The following PARG variants were observed in gnomAD, a reference collection of about 807,000 sequenced individuals.
PARG encodes poly(ADP-ribose) glycohydrolase.
A neutral mutation model predicts 113.0 loss-of-function variants in PARG; 35 were observed. That is an observed-to-expected ratio of 0.31 (90% CI 0.24 to 0.41). PARG has a LOEUF of 0.41. PARG is among the 10% of genes least tolerant of loss of function. PARG has a pLI of 1.00. For synonymous variants in PARG, 330 were observed against 409.9 expected, an observed-to-expected ratio of 0.81 and a Z score of 2.36; for missense variants, 797 against 1,169.4, an observed-to-expected ratio of 0.68 and a Z score of 4.64.
intron 15 of PARG, among the ~76,000 whole-genome samples, chr10:49,836,643 C>T (rs552237560): frequency 1.8e-4 from 28 of 151,918 alleles, no homozygotes; most frequent in Non-Finnish European, 3.1e-4. Flanking sequence ...TGAACATTCT[C>T]GAAAAGTAAA....
At chr10:49,841,660 A>G (rs1000714436) in intron 15 of PARG, among the ~76,000 whole-genome samples, 1 of 152,194 alleles carries the variant, frequency 6.6e-6, no homozygotes, top group South Asian at 2.1e-4. Flanking sequence ...TTGTTTCTAT[A>G]TGGTTTTACA....
chr10:49,932,156 A>G lies in PARG; in HGVS notation c.1399T>C (p.Cys467Arg), dbSNP rs1201745745. The change falls in exon 4 of 18, where the codon TGT (cysteine) becomes CGT (arginine). Residue 467 changes from cysteine to arginine, a missense_variant. By Grantham distance (180) the Cys-to-Arg change is radical (BLOSUM62 -3). Around this residue, in one of 5 missense-constraint regions of PARG, gnomAD observed 252 missense variants for 437.4 expected, o/e 0.58. Transcript: ENST00000616448. ...PIEEMRRMPR[C>R]GIRLPLLRPS... Reference sequence around the variant, plus strand: ...CTCAAGAGAGGCAGCCGGATCCCACACCGAGGCATTCTTCTCATCTCCTCA... The same window carrying G: ...CTCAAGAGAGGCAGCCGGATCCCACGCCGAGGCATTCTTCTCATCTCCTCA... The G allele has an allele frequency of 6.2e-7, 1 of 1,607,304 alleles. No homozygotes were observed. Among genetic ancestry groups the G allele is most frequent in the East Asian group, 2.2e-5 (1 of 44,852 alleles).
At chr10:49,927,484 CAGAG>C (rs1295628522) in intron 4 of PARG, among the ~76,000 whole-genome samples, 2 of 151,194 alleles carry the variant, frequency 1.3e-5, no homozygotes, top group African/African-American at 4.9e-5. Flanking sequence ...TGAGACCAAC[CAGAG>C]AGAGACAGAA....
intron 4 of PARG, among the ~76,000 whole-genome samples, chr10:49,928,749 C>T (rs1336361603): frequency 1.1e-4 from 17 of 152,220 alleles, no homozygotes; most frequent in Non-Finnish European, 2.2e-4. Context: ...AAGTAATCCT[C>T]CTGCCTTGGC....
At chr10:49,874,388 C>T (rs1846845696) in intron 9 of PARG, among the ~76,000 whole-genome samples, 1 of 151,978 alleles carries the variant, frequency 6.6e-6, no homozygotes, top group African/African-American at 2.4e-5. Context: ...AAAAAATGGC[C>T]CAGCCTTGAT....
At chr10:49,918,531 C>T (rs1398650879) in intron 6 of PARG, among the ~76,000 whole-genome samples, 5 of 152,148 alleles carry the variant, frequency 3.3e-5, no homozygotes, top group African/African-American at 4.8e-5. Flanking sequence ...TCACAATAAG[C>T]ACAAAAAATT....
intron 16 of PARG, among the ~76,000 whole-genome samples, chr10:49,825,854 C>G (rs1844329017): frequency 6.6e-6 from 1 of 152,176 alleles, no homozygotes; most frequent in African/African-American, 2.4e-5. Flanking sequence ...TTCCTAAAGC[C>G]ATTTTCCAAG....
chr10:49,910,378 G>A (rs1837105347), intron 7 of PARG, among the ~76,000 whole-genome samples: 1 of 152,208 alleles, frequency 6.6e-6, no homozygotes, highest in Non-Finnish European at 1.5e-5. Context: ...TTTACAAAGA[G>A]AAACATATTA....
Position 49,834,507 on chromosome 10 carries a change from T to TA in PARG, c.2542-1600dup, listed in dbSNP as rs200551132. Among the ~76,000 whole-genome samples, 1,116 of 152,294 alleles carry TA rather than the reference T, an allele frequency of 7.3e-3. 11 individuals carry two copies. The highest frequency in any genetic ancestry group is 8.7e-3 in the Non-Finnish European group (594 of 68,018). On this transcript the variant is annotated intron_variant, in intron 15 of 17. Transcript: ENST00000616448. ...TTAAATTATTAGAAGCAAAATCTAG[T>TA]ACAAAATATTATCCAATTTTCCTGG...
At chr10:49,844,574 G>T (rs906510714) in intron 13 of PARG, among the ~76,000 whole-genome samples, 2 of 148,106 alleles carry the variant, frequency 1.4e-5, no homozygotes, top group East Asian at 4.1e-4. Context: ...AGTGAGCGGA[G>T]ATTGTGTCAC....
intron 16 of PARG, among the ~76,000 whole-genome samples, chr10:49,830,053 A>G (rs1564596207): frequency 6.6e-6 from 1 of 152,194 alleles, no homozygotes; most frequent in East Asian, 1.9e-4. Context: ...TTAAATCTCA[A>G]TAGTTGAGGA....
At chr10:49,888,916 T>C (rs1332649597) in intron 7 of PARG, among the ~76,000 whole-genome samples, 2 of 152,194 alleles carry the variant, frequency 1.3e-5, no homozygotes, top group African/African-American at 4.8e-5. Flanking sequence ...CTGTTCAGAC[T>C]GAGTAATTTC....
intron 13 of PARG, among the ~76,000 whole-genome samples, chr10:49,856,620 T>C (rs1846002480): frequency 6.6e-6 from 1 of 152,150 alleles, no homozygotes; most frequent in Non-Finnish European, 1.5e-5. Context: ...AAAATTATTT[T>C]TAATAGAAAC....
chr10:49,894,850 GA>G (rs782493661), intron 7 of PARG, among the ~76,000 whole-genome samples: 4 of 152,306 alleles, frequency 2.6e-5, no homozygotes, highest in Middle Eastern at 3.4e-3. Flanking sequence ...CTGGAGTCTA[GA>G]AATCTGAAAC....
At chr10:49,849,157 T>C (rs1162220954) in intron 13 of PARG, among the ~76,000 whole-genome samples, 1 of 150,642 alleles carries the variant, frequency 6.6e-6, no homozygotes, top group Admixed American at 6.6e-5. Context: ...ATCACGCCAT[T>C]GCACTCCATC....
intron 4 of PARG, among the ~76,000 whole-genome samples, chr10:49,929,928 T>C (rs1554909556): frequency 0.023 from 3,399 of 150,446 alleles, 50 homozygotes; most frequent in South Asian, 0.074. Context: ...AATTTGAAAG[T>C]AGGAGTTAGG....
chr10:49,901,642 C>T (rs1848352791), intron 7 of PARG, among the ~76,000 whole-genome samples: 3 of 152,090 alleles, frequency 2.0e-5, no homozygotes, highest in African/African-American at 7.2e-5. Flanking sequence ...TCTCTGGAAG[C>T]GCACTCTTTG....
intron 17 of PARG, among the ~76,000 whole-genome samples, chr10:49,819,805 C>T (rs1330809216): frequency 6.6e-6 from 1 of 152,218 alleles, no homozygotes; most frequent in African/African-American, 2.4e-5. Context: ...GTAGCAAGCA[C>T]ACTGGATGAG....
chr10:49,818,578 A>C lies in PARG; in HGVS notation c.*762T>G, dbSNP rs1843909687. 2 of 152,598 alleles carry C rather than the reference A, an allele frequency of 1.3e-5. No homozygotes were observed. The highest frequency in any genetic ancestry group is 6.5e-5 in the Admixed American group (1 of 15,276). The allele number at this position is 152,598 out of a possible 1,614,324, so 9.5% of individuals were successfully genotyped here. ...GAAAAAAGTACCAAGAAACAAAAAA[A>C]ATCTTCAATTCTCTTGAATCTGTTT... On this transcript the variant is annotated 3_prime_UTR_variant, in exon 18 of 18. Transcript: ENST00000616448.
Sources: gnomAD v4.1 joint callset for allele counts (sites outside exome capture counted in the v4.1 genomes callset) on GRCh38, gnomAD v4.1.1 for gene constraint, gnomAD v4.1.1 regional missense constraint, MANE v1.5 for transcripts, NCBI Gene and HGNC (gene_info 2026-07-23, HGNC 2026-07-21) for gene names.